Variants in CDC123 observed in about 807,000 individuals in gnomAD.
The protein encoded by CDC123 is translation initiation factor eIF2 assembly protein.
In CDC123, 37 loss-of-function variants were observed where a neutral mutation model predicts 54.4. That is an observed-to-expected ratio of 0.68 (90% CI 0.52 to 0.89). The LOEUF is 0.89. Among genes scored for constraint, CDC123 ranks in the 40% least tolerant of loss-of-function variants. CDC123 has a pLI of 0.00. For synonymous variants in CDC123, 144 were observed against 136.8 expected (o/e 1.05, Z -0.37); for missense variants, 361 against 412.1 (o/e 0.88, Z 1.07).
intron 11 of CDC123, 70 bp from the exon 12 acceptor site, chr10:12,249,510 CT>C: frequency 6.8e-7 from 1 of 1,462,914 alleles, no homozygotes. Context: ...TTGCTAGGTT[CT>C]TTTTTAGTTC....
intron 10 of CDC123, among the ~76,000 whole-genome samples, chr10:12,244,074 C>A (rs1836095782): frequency 6.6e-6 from 1 of 152,128 alleles, no homozygotes; most frequent in Non-Finnish European, 1.5e-5. Flanking sequence ...TGAAAACATC[C>A]TGCGAAAACA....
intron 12 of CDC123, 89 bp downstream of exon 12, chr10:12,249,807 A>G (rs1233737001): frequency 2.0e-6 from 3 of 1,480,424 alleles, no homozygotes; most frequent in African/African-American, 2.8e-5. Context: ...GGAATCCTGT[A>G]TCACCTAGAC....
intron 7 of CDC123, among the ~76,000 whole-genome samples, chr10:12,231,841 TTTTTTTTC>T (rs771056256): frequency 2.9e-4 from 44 of 151,894 alleles, no homozygotes; most frequent in Admixed American, 7.2e-4. Context: ...GAAACATAAC[TTTTTTTTC>T]TTTTTTTCTT....
At chr10:12,235,550 A>C (rs1252175155) in intron 8 of CDC123, among the ~76,000 whole-genome samples, 2 of 152,238 alleles carry the variant, frequency 1.3e-5, no homozygotes, top group African/African-American at 4.8e-5. Context: ...ATATGTGGAC[A>C]AGTAAGTGTA....
At chr10:12,227,252 G>C (rs1835835391) in intron 6 of CDC123, among the ~76,000 whole-genome samples, 1 of 147,154 alleles carries the variant, frequency 6.8e-6, no homozygotes, top group Non-Finnish European at 1.5e-5. Flanking sequence ...CGTGGAGAGA[G>C]AGGGAGAGGG....
intron 5 of CDC123, 54 bp from the exon 6 acceptor site, chr10:12,217,307 T>C: frequency 3.8e-6 from 6 of 1,561,240 alleles, no homozygotes; most frequent in Non-Finnish European, 5.2e-6. Flanking sequence ...GGCCTGAGCA[T>C]TCATAGCAGC....
At position 12,249,511 on chromosome 10, in the gene CDC123, T is replaced by A. The variant is rs1016654502; in HGVS notation, c.847-70T>A. 1.2e-4 allele frequency: 175 copies of A among 1,471,346 alleles called. No individual in the cohort carries two copies. In the Admixed American group the frequency reaches 3.6e-3, roughly 30 times the overall value. 91.1% of individuals were successfully genotyped at this position (1,471,346 alleles called of 1,614,324 possible). A position where few individuals can be genotyped will look rare whatever the true frequency, so the allele number is the denominator to read the frequency against. ...GAGTTGAAATTGTTTTGCTAGGTTC[T>A]TTTTTAGTTCACAGAATAGGCCTAA... On this transcript the variant is annotated intron_variant, in intron 11 of 12. Coordinates refer to ENST00000281141, the MANE Select transcript of CDC123 (RefSeq NM_006023.3).
At chr10:12,240,380 C>T (rs1836041049) in intron 10 of CDC123, among the ~76,000 whole-genome samples, 1 of 152,206 alleles carries the variant, frequency 6.6e-6, no homozygotes, top group South Asian at 2.1e-4. Flanking sequence ...TTAGATCAGC[C>T]TCATTGTAAG....
chr10:12,250,480 C>T lies in CDC123; in HGVS notation c.*143C>T, dbSNP rs138917849. 1 of 722,024 alleles carries T rather than the reference C, an allele frequency of 1.4e-6. No homozygotes were observed. Among genetic ancestry groups the T allele is most frequent in the East Asian group, 2.7e-5 (1 of 37,578 alleles). The allele number at this position is 722,024 out of a possible 1,614,324, so 44.7% of individuals were successfully genotyped here. A position where few individuals can be genotyped will look rare whatever the true frequency, so the allele number is the denominator to read the frequency against. ...ACTTTTTATATTCATGTACATTCAC[C>T]TGGGGAAAAAAACGGAGGGACTTTG... On this transcript the variant is annotated 3_prime_UTR_variant, in exon 13 of 13. Coordinates refer to ENST00000281141, the MANE Select transcript of CDC123 (RefSeq NM_006023.3).
chr10:12,206,815 C>T (rs528113984), intron 2 of CDC123, among the ~76,000 whole-genome samples: 45 of 151,984 alleles, frequency 3.0e-4, no homozygotes, highest in African/African-American at 1.0e-3. Flanking sequence ...AAAAATTAGC[C>T]GGGTGTGGTG....
chr10:12,207,935 C>G (rs1389044663), intron 2 of CDC123, among the ~76,000 whole-genome samples: 1 of 152,172 alleles, frequency 6.6e-6, no homozygotes, highest in East Asian at 1.9e-4. Context: ...TCTCGCTGCT[C>G]CCTGGATGGA....
intron 2 of CDC123, among the ~76,000 whole-genome samples, chr10:12,200,217 C>G (rs1412922231): frequency 6.7e-6 from 1 of 148,152 alleles, no homozygotes; most frequent in Admixed American, 6.8e-5. Flanking sequence ...ATCTCTGCCT[C>G]CCAGGTTCAA....
chr10:12,210,147 C>T, intron 3 of CDC123, 123 bp downstream of exon 3: 1 of 1,442,076 alleles, frequency 6.9e-7, no homozygotes, highest in Non-Finnish European at 9.5e-7. Context: ...GAGAATCTTA[C>T]TTTGACATAT....
intron 6 of CDC123, among the ~76,000 whole-genome samples, chr10:12,219,983 C>T (rs1009094033): frequency 4.6e-5 from 7 of 152,154 alleles, no homozygotes; most frequent in African/African-American, 1.2e-4. Context: ...CCACCGCACC[C>T]GGCCATGCCC....
At chr10:12,199,546 C>T (rs1392584177) in intron 2 of CDC123, among the ~76,000 whole-genome samples, 1 of 152,150 alleles carries the variant, frequency 6.6e-6, no homozygotes, top group Non-Finnish European at 1.5e-5. Context: ...CCTGATATAG[C>T]AGAAGTGCTT....
intron 7 of CDC123, 45 bp from the exon 8 acceptor site, chr10:12,235,003 A>G: frequency 6.9e-7 from 1 of 1,451,656 alleles, no homozygotes; most frequent in Non-Finnish European, 9.7e-7. Context: ...AGTAGACCTT[A>G]CCACATAGGT....
rs144125894 is a variant in CDC123 at position 12,229,664 on chromosome 10, A to G, written c.441-1284A>G. Among the ~76,000 whole-genome samples the G allele has an allele frequency of 2.6e-5, 4 of 152,314 alleles. No homozygotes were observed. In the East Asian group the frequency reaches 7.7e-4, roughly 29 times the overall value. On this transcript the variant is annotated intron_variant, in intron 6 of 12. Transcript: ENST00000281141. ...TCTATTTTTTAGCTTTCTCCACCAGACTAAGCTCAACCAGAACAAAGGAGT... is the reference window on the plus strand; with the variant it reads ...TCTATTTTTTAGCTTTCTCCACCAGGCTAAGCTCAACCAGAACAAAGGAGT...
chr10:12,223,626 C>CATGTTTAGGG, intron 6 of CDC123, among the ~76,000 whole-genome samples: 1 of 152,134 alleles, frequency 6.6e-6, no homozygotes, highest in Non-Finnish European at 1.5e-5. Context: ...GCATGTCAGT[C>CATGTTTAGGG]CCAAGGCATG....
intron 6 of CDC123, among the ~76,000 whole-genome samples, chr10:12,225,992 G>T (rs1435284381): frequency 1.3e-5 from 2 of 151,822 alleles, no homozygotes; most frequent in Non-Finnish European, 2.9e-5. Flanking sequence ...TCAAGCATCT[G>T]TTTAACAAAG....
Sources: allele counts gnomAD v4.1 joint callset (sites outside exome capture counted in the v4.1 genomes callset), GRCh38; gene constraint gnomAD v4.1.1; transcripts MANE v1.5; gene names NCBI Gene and HGNC (gene_info 2026-07-23, HGNC 2026-07-21).